The following CAPRIN1 variants were observed in gnomAD, a reference collection of about 807,000 sequenced individuals.
CAPRIN1 encodes the protein cell cycle associated protein 1.
CAPRIN1 carries 29 observed loss-of-function variants against 100.9 expected under a neutral mutation model. The ratio of observed to expected loss-of-function variants is 0.29; its 90% confidence interval spans 0.21 to 0.39. The LOEUF (loss-of-function observed/expected upper bound fraction) is 0.39, where lower values mean the gene tolerates loss of function less well. Ranked by LOEUF, CAPRIN1 falls within the 10% of genes least tolerant of loss-of-function variation. The pLI is 1.00. For synonymous variants in CAPRIN1, 338 were observed against 307.5 expected (o/e 1.10, Z -1.04); for missense variants, 795 against 876.7 (o/e 0.91, Z 1.18).
At chr11:34,092,198 C>G in intron 15 of CAPRIN1, 142 bp downstream of exon 15, 1 of 761,782 alleles carries the variant, frequency 1.3e-6, no homozygotes, top group South Asian at 2.5e-5. Context: ...CATTTCAGAT[C>G]ATGAGTTAAA....
At chr11:34,060,293 CA>C (rs1224392706) in intron 2 of CAPRIN1, among the ~76,000 whole-genome samples, 2 of 149,602 alleles carry the variant, frequency 1.3e-5, no homozygotes, top group Non-Finnish European at 1.5e-5. Flanking sequence ...AACCATTGTA[CA>C]TTATTGGAAA....
At chr11:34,082,674 C>A in intron 7 of CAPRIN1, 151 bp from the exon 8 acceptor site, 1 of 624,228 alleles carries the variant, frequency 1.6e-6, no homozygotes, top group Non-Finnish European at 2.9e-6. Context: ...ACCCAAAGTC[C>A]ATAGTTTACA....
In CAPRIN1 at chr11:34,058,294, G is replaced by A. The variant is rs183432207; in HGVS notation, c.216+5658G>A. ...TGGGATTACAGGTGCATGCCACCACGCCCAGCTAATTTTTGTATTTTTAGT... is the reference window on the plus strand; with the variant it reads ...TGGGATTACAGGTGCATGCCACCACACCCAGCTAATTTTTGTATTTTTAGT... On this transcript the variant is annotated intron_variant, in intron 2 of 18. Transcript: ENST00000341394. Among the ~76,000 whole-genome samples the A allele has an allele frequency of 3.0e-3, 459 of 151,936 alleles. 1 individual carries two copies. The highest frequency in any genetic ancestry group is 5.0e-3 in the Non-Finnish European group (337 of 67,974).
intron 4 of CAPRIN1, among the ~76,000 whole-genome samples, chr11:34,073,013 C>T (rs1850832545): frequency 6.6e-6 from 1 of 152,192 alleles, no homozygotes; most frequent in Non-Finnish European, 1.5e-5. Context: ...ATTGTACTAT[C>T]TAGGCCGTGT....
chr11:34,055,563 G>A (rs1435620639), intron 2 of CAPRIN1: 1 of 152,192 alleles, frequency 6.6e-6, no homozygotes, highest in Non-Finnish European at 1.5e-5. Flanking sequence ...CTGACCTCAG[G>A]TGATCCAGCC....
At chr11:34,088,231 T>C (rs1265723972) in intron 11 of CAPRIN1, among the ~76,000 whole-genome samples, 1 of 151,796 alleles carries the variant, frequency 6.6e-6, no homozygotes, top group Non-Finnish European at 1.5e-5. Context: ...TGTCAATCTC[T>C]TGACCTCGTG....
intron 2 of CAPRIN1, among the ~76,000 whole-genome samples, chr11:34,057,693 T>C (rs1354562749): frequency 6.6e-6 from 1 of 152,180 alleles, no homozygotes; most frequent in Non-Finnish European, 1.5e-5. Flanking sequence ...CTTACACTGT[T>C]ATAAAATTTA....
In CAPRIN1 at chr11:34,071,798, T is replaced by C. The variant is rs1265178106; in HGVS notation, c.279+10T>C. On this transcript the variant is annotated intron_variant, in intron 3 of 18. Coordinates refer to ENST00000341394, the MANE Select transcript of CAPRIN1 (RefSeq NM_005898.5). ...TAATCAAGATCAGCTGGTAAAGATG[T>C]TATATTTTTTATTTTAGACCTAATG... 4.1e-6 allele frequency: 6 copies of C among 1,454,090 alleles called. No homozygotes were observed. Among genetic ancestry groups the C allele is most frequent in the Non-Finnish European group, 5.4e-6 (6 of 1,103,020 alleles). 90.1% of individuals were successfully genotyped at this position (1,454,090 alleles called of 1,614,324 possible). A position where few individuals can be genotyped will look rare whatever the true frequency, so the allele number is the denominator to read the frequency against.
At chr11:34,064,429 A>G (rs1850645120) in intron 2 of CAPRIN1, among the ~76,000 whole-genome samples, 1 of 152,190 alleles carries the variant, frequency 6.6e-6, no homozygotes, top group Non-Finnish European at 1.5e-5. Context: ...AGATGGCATC[A>G]TTTTTCTCTT....
At chr11:34,072,846 CATT>C (rs1850828951) in intron 4 of CAPRIN1, among the ~76,000 whole-genome samples, 1 of 152,194 alleles carries the variant, frequency 6.6e-6, no homozygotes, top group Non-Finnish European at 1.5e-5. Context: ...GGTCCCATAA[CATT>C]GTAATACTGT....
Position 34,059,270 on chromosome 11 carries a change from G to GTTT in CAPRIN1, c.216+6648_216+6650dup, listed in dbSNP as rs776890676. On this transcript the variant is annotated intron_variant, in intron 2 of 18. Coordinates refer to ENST00000341394, the MANE Select transcript of CAPRIN1 (RefSeq NM_005898.5). The stretch of plus-strand genomic sequence containing the variant: ...TATTGTCTGTACACTTCTTGACATT[G>GTTT]TTTTTTTTTTTTTTTTGAGACGGAG... Among the ~76,000 whole-genome samples the GTTT allele has an allele frequency of 2.3e-3, 315 of 137,472 alleles. 5 individuals are homozygous for GTTT. The highest frequency in any genetic ancestry group is 7.9e-3 in the African/African-American group (295 of 37,390). 90.2% of individuals were successfully genotyped at this position (137,472 alleles called of 152,430 possible). A position where few individuals can be genotyped will look rare whatever the true frequency, so the allele number is the denominator to read the frequency against.
rs964853252 is a variant in CAPRIN1, at chr11:34,102,357, C to T, written c.*2990C>T. On this transcript the variant is annotated 3_prime_UTR_variant, in exon 19 of 19. Transcript: ENST00000341394. The stretch of plus-strand genomic sequence containing the variant: ...AACCCTTCATTTTATGTTTAAGCTC[C>T]TGAATCTGCATTCCACTTGGGTTGT... Among the ~76,000 whole-genome samples, 4 of 152,156 alleles carry T rather than the reference C, an allele frequency of 2.6e-5. No individual in the cohort carries two copies. Among genetic ancestry groups the T allele is most frequent in the African/African-American group, 4.8e-5 (2 of 41,412 alleles).
At chr11:34,072,183 G>A (rs1055749801) in intron 4 of CAPRIN1, among the ~76,000 whole-genome samples, 196 bp downstream of exon 4, 5 of 151,740 alleles carry the variant, frequency 3.3e-5, no homozygotes, top group Non-Finnish European at 5.9e-5. Context: ...TTGAAATTGG[G>A]GGCGGTGGCA....
chr11:34,099,229 T>G (rs1315056129), intron 18 of CAPRIN1, 74 bp from the exon 19 acceptor site: 11 of 1,580,594 alleles, frequency 7.0e-6, no homozygotes, highest in Non-Finnish European at 8.7e-6. Flanking sequence ...CTTCTTGACT[T>G]CAGATGAAAA....
chr11:34,088,371 A>G (rs1191041406), intron 11 of CAPRIN1, among the ~76,000 whole-genome samples: 1 of 152,096 alleles, frequency 6.6e-6, no homozygotes, highest in Non-Finnish European at 1.5e-5. Context: ...TTATGTTAAC[A>G]TATATTGAGC....
Position 34,082,705 on chromosome 11 carries a change from T to G in CAPRIN1, c.827-120T>G. 3 of 711,548 alleles carry G rather than the reference T, an allele frequency of 4.2e-6. No homozygotes were observed. The South Asian group carries it at 5.1e-5, about 12-fold the overall frequency. The allele number at this position is 711,548 out of a possible 1,614,324, so 44.1% of individuals were successfully genotyped here. A position where few individuals can be genotyped will look rare whatever the true frequency, so the allele number is the denominator to read the frequency against. ...TTACATATGGGTTTACTCTTATTGT[T>G]AATAATTCTCTGGGTTTGGACAAAT... is the stretch of plus-strand genomic sequence containing the variant. On this transcript the variant is annotated intron_variant, in intron 7 of 18. Coordinates refer to ENST00000341394, the MANE Select transcript of CAPRIN1 (RefSeq NM_005898.5).
At chr11:34,055,038 T>A (rs936502093) in intron 2 of CAPRIN1, among the ~76,000 whole-genome samples, 4 of 152,144 alleles carry the variant, frequency 2.6e-5, no homozygotes, top group Admixed American at 6.5e-5. Flanking sequence ...GAAAAAAAAA[T>A]ATAAATCTAG....
chr11:34,091,565 G>C (rs990628526), intron 14 of CAPRIN1: 1 of 165,252 alleles, frequency 6.1e-6, no homozygotes, highest in Admixed American at 6.4e-5. Flanking sequence ...GGGATTACAG[G>C]TGTGAGCCAC....
chr11:34,099,007 T>TG, intron 18 of CAPRIN1: 1 of 1,258,096 alleles, frequency 7.9e-7, no homozygotes, highest in Non-Finnish European at 1.0e-6. Context: ...CAACGCTTGA[T>TG]GATGGTGCCT....
Sources: allele counts gnomAD v4.1 joint callset (sites outside exome capture counted in the v4.1 genomes callset), GRCh38; gene constraint gnomAD v4.1.1; transcripts MANE v1.5; gene names NCBI Gene and HGNC (gene_info 2026-07-23, HGNC 2026-07-21).